Variants in CNOT6L observed in about 807,000 individuals in gnomAD.
The protein encoded by CNOT6L is CCR4-NOT transcription complex subunit 6 like.
A neutral mutation model predicts 64.0 loss-of-function variants in CNOT6L; 7 were observed. That is an observed-to-expected ratio of 0.11 (90% CI 0.06 to 0.21). CNOT6L has a LOEUF of 0.21. Among genes scored for constraint, CNOT6L ranks in the 10% least tolerant of loss-of-function variants. The probability of loss-of-function intolerance (pLI) is 1.00; values close to 1 mark genes in which losing one functional copy is unlikely to be tolerated. For missense variants in CNOT6L, 245 were observed against 669.0 expected (o/e 0.37, Z 6.99); for synonymous variants, 193 against 243.4 (o/e 0.79, Z 1.93).
At chr4:77,801,038 G>A (rs1731477994) in intron 1 of CNOT6L, among the ~76,000 whole-genome samples, 1 of 152,140 alleles carries the variant, frequency 6.6e-6, no homozygotes, top group Admixed American at 6.5e-5. Context: ...TGAGCAGAAA[G>A]GTTAGAAGGG....
intron 1 of CNOT6L, among the ~76,000 whole-genome samples, chr4:77,783,448 T>C (rs1224569035): frequency 1.3e-5 from 2 of 152,216 alleles, no homozygotes; most frequent in African/African-American, 2.4e-5. Flanking sequence ...TGCAAGGAAT[T>C]TGGCATTTCT....
At chr4:77,777,206 A>C (rs1190554523) in intron 1 of CNOT6L, among the ~76,000 whole-genome samples, 3 of 152,178 alleles carry the variant, frequency 2.0e-5, no homozygotes, top group Admixed American at 6.5e-5. Flanking sequence ...TGTTGTTCTG[A>C]AGCAATTATT....
intron 1 of CNOT6L, among the ~76,000 whole-genome samples, chr4:77,806,637 C>T (rs1732256832): frequency 6.6e-6 from 1 of 152,044 alleles, no homozygotes; most frequent in South Asian, 2.1e-4. Context: ...TAAGAGAACC[C>T]AAGTTATGGA....
intron 1 of CNOT6L, among the ~76,000 whole-genome samples, chr4:77,811,364 A>G (rs1560440865): frequency 6.6e-6 from 1 of 152,240 alleles, no homozygotes; most frequent in East Asian, 1.9e-4. Flanking sequence ...CCTGGCCAAC[A>G]TAGTGATCTC....
At chr4:77,817,909 T>C (rs949317206) in intron 1 of CNOT6L, among the ~76,000 whole-genome samples, 1 of 152,172 alleles carries the variant, frequency 6.6e-6, no homozygotes, top group African/African-American at 2.4e-5. Context: ...TGTAATGAGG[T>C]TGGAGTAGAA....
At chr4:77,819,046 C>A (rs565860028) in intron 1 of CNOT6L, 61 of 538,022 alleles carry the variant, frequency 1.1e-4, no homozygotes, top group Non-Finnish European at 1.7e-4. Context: ...CCGGGCCACC[C>A]CCGACACACA....
At chr4:77,792,591 C>A (rs1424976651) in intron 1 of CNOT6L, among the ~76,000 whole-genome samples, 1 of 151,586 alleles carries the variant, frequency 6.6e-6, no homozygotes, top group African/African-American at 2.4e-5. Flanking sequence ...CTGGGCATGG[C>A]GGCATGCTCC....
At chr4:77,753,985 T>A (rs1725167157) in intron 5 of CNOT6L, among the ~76,000 whole-genome samples, 1 of 149,992 alleles carries the variant, frequency 6.7e-6, no homozygotes, top group South Asian at 2.1e-4. Flanking sequence ...ATACAAAAAC[T>A]ACAGTGAATA....
intron 8 of CNOT6L, among the ~76,000 whole-genome samples, chr4:77,735,375 A>G (rs973785450): frequency 2.0e-5 from 3 of 152,250 alleles, no homozygotes; most frequent in Non-Finnish European, 2.9e-5. Flanking sequence ...TGCCATTACA[A>G]AGATGAAGAA....
At chr4:77,732,970 A>G (rs1722606416) in intron 8 of CNOT6L, among the ~76,000 whole-genome samples, 1 of 152,068 alleles carries the variant, frequency 6.6e-6, no homozygotes, top group South Asian at 2.1e-4. Context: ...TCTGAAAGAG[A>G]AATGATGGTG....
At chr4:77,789,356 A>C (rs1007862793) in intron 1 of CNOT6L, among the ~76,000 whole-genome samples, 2 of 151,916 alleles carry the variant, frequency 1.3e-5, no homozygotes, top group Non-Finnish European at 2.9e-5. Flanking sequence ...TTTTCTCATT[A>C]ACAAAATGTT....
At position 77,774,725 on chromosome 4, in the gene CNOT6L, C is replaced by G; in HGVS notation, c.128-9G>C. On this transcript the variant is annotated splice_polypyrimidine_tract_variant and intron_variant, in intron 2 of 11. Transcript: ENST00000504123. Reference sequence around the variant, plus strand: ...TAGGCTCCGCACTCTACCTAAAAGGCAAAATACTGAAGTGTAAAAAAAAAC... The same window carrying G: ...TAGGCTCCGCACTCTACCTAAAAGGGAAAATACTGAAGTGTAAAAAAAAAC... The G allele has an allele frequency of 1.3e-6, 2 of 1,537,204 alleles. No homozygotes were observed. The highest frequency in any genetic ancestry group is 1.7e-6 in the Non-Finnish European group (2 of 1,143,936).
At chr4:77,796,416 G>A (rs187528917) in intron 1 of CNOT6L, among the ~76,000 whole-genome samples, 7 of 152,026 alleles carry the variant, frequency 4.6e-5, no homozygotes, top group Non-Finnish European at 5.9e-5. Flanking sequence ...TTGTGATAGT[G>A]AGTTCTCATT....
chr4:77,805,412 C>A (rs1732103047), intron 1 of CNOT6L, among the ~76,000 whole-genome samples: 1 of 152,022 alleles, frequency 6.6e-6, no homozygotes, highest in African/African-American at 2.4e-5. Flanking sequence ...TCTCAGGAAA[C>A]CTGTGAATTT....
chr4:77,737,503 C>A (rs573165171), intron 8 of CNOT6L, among the ~76,000 whole-genome samples: 10 of 149,072 alleles, frequency 6.7e-5, no homozygotes, highest in African/African-American at 2.5e-4. Flanking sequence ...CTCACTGCAA[C>A]CTCTGCCTCC....
chr4:77,720,744 GT>G, intron 11 of CNOT6L, 101 bp from the exon 12 acceptor site: 2 of 1,142,270 alleles, frequency 1.8e-6, no homozygotes, highest in Non-Finnish European at 2.5e-6. Context: ...CTTTCTTCTG[GT>G]ACCTGTTGTC....
At chr4:77,727,507 A>G (rs1721990917) in intron 10 of CNOT6L, among the ~76,000 whole-genome samples, 1 of 142,196 alleles carries the variant, frequency 7.0e-6, no homozygotes, top group Non-Finnish European at 1.5e-5. Context: ...CAGAGGTTGC[A>G]GTCAAGACTG....
chr4:77,783,893 T>TTATTAAATATATTAATATTTAATA (rs1244650139), intron 1 of CNOT6L, among the ~76,000 whole-genome samples: 1 of 148,826 alleles, frequency 6.7e-6, no homozygotes, highest in Non-Finnish European at 1.5e-5. Context: ...TATATTAAAT[T>TTATTAAATATATTAATATTTAATA]TATTAAATAT....
At chr4:77,729,572 C>T (rs372123465) in intron 9 of CNOT6L, among the ~76,000 whole-genome samples, 4 of 152,262 alleles carry the variant, frequency 2.6e-5, no homozygotes, top group Admixed American at 6.5e-5. Context: ...CAAATTCACA[C>T]CATATACCGA....
Sources: gnomAD v4.1 joint callset for allele counts (sites outside exome capture counted in the v4.1 genomes callset) on GRCh38, gnomAD v4.1.1 for gene constraint, MANE v1.5 for transcripts, NCBI Gene and HGNC (gene_info 2026-07-23, HGNC 2026-07-21) for gene names.